The following CACNA1B variants were observed in gnomAD, a reference collection of about 807,000 sequenced individuals.
CACNA1B encodes the protein calcium voltage-gated channel subunit alpha1 B, also known as voltage-dependent N-type calcium channel subunit alpha-1B.
CACNA1B carries 70 observed loss-of-function variants against 247.2 expected under a neutral mutation model. The observed-to-expected ratio is 0.28, with a 90% CI of 0.23 to 0.35. The LOEUF (loss-of-function observed/expected upper bound fraction) is 0.35, where lower values mean the gene tolerates loss of function less well. Ranked by LOEUF, CACNA1B falls within the 10% of genes least tolerant of loss-of-function variation. The pLI, the probability that CACNA1B is intolerant of heterozygous loss-of-function variation, is 1.00. For synonymous variants in CACNA1B, 1,231 were observed against 1,294.4 expected, an observed-to-expected ratio of 0.95 and a Z score of 1.05; for missense variants, 2,367 against 3,197.4, an observed-to-expected ratio of 0.74 and a Z score of 6.26.
At chr9:138,060,311 G>A (rs999142024) in intron 31 of CACNA1B, among the ~76,000 whole-genome samples, 2 of 152,224 alleles carry the variant, frequency 1.3e-5, no homozygotes, top group African/African-American at 4.8e-5. Context: ...AATCTCATTT[G>A]TTTGGTCTTA....
In CACNA1B at chr9:138,054,033, G is replaced by A. The variant is rs1564261789; in HGVS notation, c.3968+27G>A. 7 of 1,608,972 alleles carry A rather than the reference G, an allele frequency of 4.4e-6. No individual in the cohort carries two copies. In the South Asian group the frequency reaches 5.5e-5, roughly 13 times the overall value. ...TAAACTGAGGCAGGGTGCAAGGTGG[G>A]ACACACAGCCCCATGATGCAGACAA... On this transcript the variant is annotated intron_variant, in intron 26 of 46. Coordinates refer to ENST00000371372, the MANE Select transcript of CACNA1B (RefSeq NM_000718.4). The surrounding 1 kb of genome is among the most constrained non-coding windows in gnomAD (Gnocchi z 4.6).
intron 36 of CACNA1B, among the ~76,000 whole-genome samples, chr9:138,089,658 G>GA (rs1211974871): frequency 5.3e-5 from 8 of 151,768 alleles, no homozygotes; most frequent in Non-Finnish European, 7.4e-5. Context: ...AGTTATGTAA[G>GA]AAAAAAAATA....
At chr9:138,101,003 A>G (rs1961232599) in intron 37 of CACNA1B, 1 of 445,132 alleles carries the variant, frequency 2.2e-6, no homozygotes, top group African/African-American at 2.0e-5. Flanking sequence ...CTCCGCCGCC[A>G]CGCCTGCGCG....
intron 3 of CACNA1B, among the ~76,000 whole-genome samples, chr9:137,907,984 G>A (rs993265608): frequency 3.3e-5 from 5 of 152,174 alleles, no homozygotes; most frequent in African/African-American, 1.2e-4. Flanking sequence ...TCAAACACCC[G>A]GTTTCATACG....
chr9:138,102,616 GCCCCTA>G lies in CACNA1B; in HGVS notation c.5223-90_5223-85del. On this transcript the variant is annotated intron_variant, in intron 37 of 46. Transcript: ENST00000371372. The surrounding 1 kb of genome is among the most constrained non-coding windows in gnomAD (Gnocchi z 5.4). ...CTGTTTTCTTGTCTGCTTCCTCCCT[GCCCCTA>G]CCCCGCTCCCCTCCCCGCTCCCCTC... The G allele has an allele frequency of 1.7e-6, 1 of 574,668 alleles. No individual in the cohort carries two copies. The highest frequency in any genetic ancestry group is 3.7e-4 in the Middle Eastern group (1 of 2,732). The allele number at this position is 574,668 out of a possible 1,614,324, so 35.6% of individuals were successfully genotyped here.
At chr9:137,892,808 G>A (rs921207794) in intron 3 of CACNA1B, among the ~76,000 whole-genome samples, 11 of 152,212 alleles carry the variant, frequency 7.2e-5, no homozygotes, top group African/African-American at 4.8e-5. Context: ...TTCCCATCAC[G>A]GGCCTACTCA....
chr9:138,098,057 A>G (rs1307485685), intron 37 of CACNA1B, among the ~76,000 whole-genome samples: 1 of 152,158 alleles, frequency 6.6e-6, no homozygotes, highest in Non-Finnish European at 1.5e-5. Flanking sequence ...CCAGGCACAC[A>G]GCATCTCTGT....
Position 137,954,056 on chromosome 9 carries a change from C to T in CACNA1B, c.1071-1642C>T, listed in dbSNP as rs115248879. On this transcript the variant is annotated intron_variant, in intron 7 of 46. Transcript: ENST00000371372. The surrounding 1 kb of genome is among the most constrained non-coding windows in gnomAD (Gnocchi z 4.1). ...GGGGAGGCCCAAGGCAGGGCCTGCA[C>T]GGTATTTCCCACTCCTTCCCCACTG... Among the ~76,000 whole-genome samples, 186 of 152,244 alleles carry T rather than the reference C, an allele frequency of 1.2e-3. 2 individuals carry two copies. The highest frequency in any genetic ancestry group is 4.2e-3 in the African/African-American group (176 of 41,542).
At chr9:138,036,895 T>G (rs887969743) in intron 20 of CACNA1B, among the ~76,000 whole-genome samples, 7 of 152,348 alleles carry the variant, frequency 4.6e-5, no homozygotes, top group African/African-American at 9.6e-5. Flanking sequence ...TTATTACACT[T>G]AGCAATGTTG....
At chr9:138,076,496 C>G (rs781549451) in intron 35 of CACNA1B, among the ~76,000 whole-genome samples, 5 of 152,184 alleles carry the variant, frequency 3.3e-5, no homozygotes, top group Non-Finnish European at 5.9e-5. Context: ...TCCAGCCAAG[C>G]CAAGTAACAG....
Position 137,957,854 on chromosome 9 carries a change from A to C in CACNA1B, c.1333+167A>C, listed in dbSNP as rs923629000. On this transcript the variant is annotated intron_variant, in intron 10 of 46. Coordinates refer to ENST00000371372, the MANE Select transcript of CACNA1B (RefSeq NM_000718.4). The surrounding 1 kb of genome is among the most constrained non-coding windows in gnomAD (Gnocchi z 4.7). ...TCCTGGCTTTGTGACCCCCATGTGG[A>C]CATAGGGCCCTTAGCCATATCCCAA... 7.2e-5 allele frequency among the ~76,000 whole-genome samples: 11 copies of C among 152,276 alleles called. No homozygotes were observed. The highest frequency in any genetic ancestry group is 7.2e-4 in the Admixed American group (11 of 15,300).
In CACNA1B at chr9:138,073,044, C is replaced by T. The variant is rs1784786733; in HGVS notation, c.4675-444C>T. Reference sequence around the variant, plus strand: ...GGGAGGAAAGGGCATAGCCGTGAAGCCTGGGCGGGGGTCCCTTCCGGGGTG... The same window carrying T: ...GGGAGGAAAGGGCATAGCCGTGAAGTCTGGGCGGGGGTCCCTTCCGGGGTG... On this transcript the variant is annotated intron_variant, in intron 32 of 46. Transcript: ENST00000371372. The surrounding 1 kb of genome is among the most constrained non-coding windows in gnomAD (Gnocchi z 6.4). Among the ~76,000 whole-genome samples, 1 of 152,234 alleles carries T rather than the reference C, an allele frequency of 6.6e-6. No homozygotes were observed. The highest frequency in any genetic ancestry group is 2.1e-4 in the South Asian group (1 of 4,826).
intron 36 of CACNA1B, among the ~76,000 whole-genome samples, chr9:138,083,521 C>G (rs770931854): frequency 6.6e-6 from 1 of 150,754 alleles, no homozygotes; most frequent in Admixed American, 6.6e-5. Flanking sequence ...CGTTGGCCAC[C>G]CAGAGCAGTC....
chr9:138,029,572 C>T (rs1958962917), intron 20 of CACNA1B, among the ~76,000 whole-genome samples: 1 of 149,162 alleles, frequency 6.7e-6, no homozygotes, highest in Non-Finnish European at 1.5e-5. Flanking sequence ...TCCTCCTTGT[C>T]ATTTCTGATC....
intron 35 of CACNA1B, 24 bp downstream of exon 35, chr9:138,075,934 C>T (rs372662031): frequency 2.7e-6 from 4 of 1,482,712 alleles, no homozygotes; most frequent in African/African-American, 1.4e-5. Flanking sequence ...TCAGCCCAGG[C>T]CAATGTCTGC....
In CACNA1B at chr9:137,884,613, G is replaced by A. The variant is rs1440617664; in HGVS notation, c.530+1730G>A. On this transcript the variant is annotated intron_variant, in intron 3 of 46. Transcript: ENST00000371372. ...CAGGAGGTCCCTAGAGCCTCACTTGGAGTGGGCACCCAGGAGGGGCAGTGT... is the reference window on the plus strand; with the variant it reads ...CAGGAGGTCCCTAGAGCCTCACTTGAAGTGGGCACCCAGGAGGGGCAGTGT... Among the ~76,000 whole-genome samples the A allele has an allele frequency of 4.7e-5, 7 of 149,664 alleles. No homozygotes were observed. In the East Asian group the frequency reaches 1.4e-3, roughly 30 times the overall value.
intron 3 of CACNA1B, among the ~76,000 whole-genome samples, chr9:137,906,069 TCCAGAGGCTGCTTACA>T (rs1268467487): frequency 6.6e-6 from 1 of 152,240 alleles, no homozygotes; most frequent in Non-Finnish European, 1.5e-5. Flanking sequence ...TGTAATTTAT[TCCAGAGGCTGCTTACA>T]CCACTGGAGC....
chr9:137,909,143 A>C (rs1467484471), intron 3 of CACNA1B, among the ~76,000 whole-genome samples: 1 of 151,818 alleles, frequency 6.6e-6, no homozygotes, highest in Non-Finnish European at 1.5e-5. Flanking sequence ...CGCATGCACC[A>C]CCACGCCTGG....
intron 36 of CACNA1B, among the ~76,000 whole-genome samples, chr9:138,089,661 A>G (rs967187955): frequency 3.3e-5 from 5 of 152,236 alleles, no homozygotes; most frequent in African/African-American, 1.2e-4. Flanking sequence ...TATGTAAGAA[A>G]AAAAATAAGC....
Sources: gnomAD v4.1 joint callset for allele counts (sites outside exome capture counted in the v4.1 genomes callset) on GRCh38, gnomAD v4.1.1 for gene constraint, Gnocchi (gnomAD v3.1) non-coding constraint, MANE v1.5 for transcripts, NCBI Gene and HGNC (gene_info 2026-07-23, HGNC 2026-07-21) for gene names.